CLOCK: variants seen among roughly 807,000 people sequenced by gnomAD.
CLOCK encodes clock circadian regulator, also known as circadian locomoter output cycles protein kaput.
A neutral mutation model predicts 118.4 loss-of-function variants in CLOCK; 43 were observed. The ratio of observed to expected loss-of-function variants is 0.36; its 90% CI spans 0.28 to 0.47. The LOEUF is 0.47. Among genes scored for constraint, CLOCK ranks in the 20% least tolerant of loss-of-function variants. The pLI is 1.00. For missense variants in CLOCK, 846 were observed against 999.9 expected (o/e 0.85, Z 2.08); for synonymous variants, 326 against 339.2 (o/e 0.96, Z 0.43).
intron 1 of CLOCK, among the ~76,000 whole-genome samples, chr4:55,542,680 G>A (rs1731359461): frequency 6.6e-6 from 1 of 152,028 alleles, no homozygotes; most frequent in Admixed American, 6.6e-5. Context: ...CCAAACCAAA[G>A]AGCCTCTTCT....
intron 9 of CLOCK, among the ~76,000 whole-genome samples, chr4:55,462,851 AGT>A (rs61436394): frequency 1.4e-4 from 21 of 151,420 alleles, no homozygotes; most frequent in African/African-American, 4.1e-4. Context: ...GATTTGTGTG[AGT>A]GTGTGTGTGT....
intron 1 of CLOCK, among the ~76,000 whole-genome samples, chr4:55,519,740 G>GC (rs1231207453): frequency 6.6e-6 from 1 of 152,046 alleles, no homozygotes; most frequent in East Asian, 1.9e-4. Flanking sequence ...ATTGGCCACT[G>GC]CACTTCAGCC....
intron 18 of CLOCK, among the ~76,000 whole-genome samples, chr4:55,445,622 A>C: frequency 1.4e-5 from 1 of 70,834 alleles, no homozygotes; most frequent in Admixed American, 2.4e-4. Context: ...ACAGGATCTC[A>C]CTCTGTCACC....
intron 1 of CLOCK, among the ~76,000 whole-genome samples, chr4:55,521,250 A>C (rs2110061852): frequency 6.6e-6 from 1 of 151,774 alleles, no homozygotes; most frequent in Non-Finnish European, 1.5e-5. Flanking sequence ...ATGGAGTTTC[A>C]CTCTTGTTGC....
At chr4:55,529,299 T>C (rs916500617) in intron 1 of CLOCK, among the ~76,000 whole-genome samples, 8 of 152,258 alleles carry the variant, frequency 5.3e-5, no homozygotes, top group South Asian at 2.1e-4. Flanking sequence ...GCTAGGACTA[T>C]AGACATGCAT....
chr4:55,458,403 T>G (rs1240138200), intron 11 of CLOCK, among the ~76,000 whole-genome samples: 1 of 152,100 alleles, frequency 6.6e-6, no homozygotes, highest in Non-Finnish European at 1.5e-5. Flanking sequence ...CTCTTTCCAG[T>G]CAGTTTCTAG....
intron 2 of CLOCK, among the ~76,000 whole-genome samples, chr4:55,495,503 C>G (rs1728006686): frequency 6.6e-6 from 1 of 151,872 alleles, no homozygotes; most frequent in Non-Finnish European, 1.5e-5. Context: ...CTGAATTATT[C>G]TCTCCCTCCC....
chr4:55,524,888 T>C (rs1346401141), intron 1 of CLOCK, among the ~76,000 whole-genome samples: 4 of 152,006 alleles, frequency 2.6e-5, no homozygotes, highest in East Asian at 1.9e-4. Context: ...TCCAGACTTA[T>C]AACTTCCAGA....
chr4:55,447,065 A>C (rs921922946), intron 18 of CLOCK, among the ~76,000 whole-genome samples: 3 of 150,718 alleles, frequency 2.0e-5, no homozygotes, highest in African/African-American at 7.3e-5. Flanking sequence ...TTTAAATATT[A>C]GTCAAAATGT....
At chr4:55,507,348 C>A (rs888391805) in intron 2 of CLOCK, among the ~76,000 whole-genome samples, 1 of 151,984 alleles carries the variant, frequency 6.6e-6, no homozygotes, top group Non-Finnish European at 1.5e-5. Flanking sequence ...CATGGTGGCT[C>A]ACACCTGTAA....
chr4:55,451,079 C>G (rs1025363138), intron 15 of CLOCK, among the ~76,000 whole-genome samples: 3 of 151,950 alleles, frequency 2.0e-5, no homozygotes, highest in East Asian at 3.9e-4. Flanking sequence ...AGCCCACTTT[C>G]CCTTCCTACC....
chr4:55,536,865 T>A (rs910300417), intron 1 of CLOCK, among the ~76,000 whole-genome samples: 2 of 152,108 alleles, frequency 1.3e-5, no homozygotes, highest in Middle Eastern at 6.3e-3. Flanking sequence ...TAAAAAATTA[T>A]GAGACATAAA....
intron 2 of CLOCK, among the ~76,000 whole-genome samples, chr4:55,493,386 C>T (rs984016485): frequency 3.3e-5 from 5 of 152,116 alleles, no homozygotes; most frequent in African/African-American, 2.4e-5. Context: ...ACAGGTATTT[C>T]GGGAACTGAC....
At chr4:55,484,858 T>C (rs1560450180) in intron 3 of CLOCK, among the ~76,000 whole-genome samples, 4 of 152,210 alleles carry the variant, frequency 2.6e-5, no homozygotes. Flanking sequence ...CAATATAGTT[T>C]AGAAGATGCA....
At chr4:55,449,224 A>G (rs1724213640) in intron 17 of CLOCK, among the ~76,000 whole-genome samples, 172 bp downstream of exon 17, 1 of 152,196 alleles carries the variant, frequency 6.6e-6, no homozygotes, top group Admixed American at 6.5e-5. Flanking sequence ...GGACCAATAC[A>G]TATGACAACC....
chr4:55,543,402 G>T (rs937498530), intron 1 of CLOCK, among the ~76,000 whole-genome samples: 5 of 152,170 alleles, frequency 3.3e-5, no homozygotes, highest in African/African-American at 1.2e-4. Flanking sequence ...CAAAGCAGAT[G>T]ATCATTCAAG....
chr4:55,499,807 T>C (rs2109984417), intron 2 of CLOCK, among the ~76,000 whole-genome samples: 1 of 152,354 alleles, frequency 6.6e-6, no homozygotes, highest in South Asian at 2.1e-4. Context: ...TCTTTCGCTC[T>C]GTTCCATGTA....
intron 21 of CLOCK, among the ~76,000 whole-genome samples, chr4:55,440,530 A>T (rs1219995111): frequency 6.6e-6 from 1 of 152,238 alleles, no homozygotes; most frequent in Admixed American, 6.5e-5. Flanking sequence ...TACACTTAGT[A>T]CAGATCTTGA....
intron 17 of CLOCK, among the ~76,000 whole-genome samples, 198 bp downstream of exon 17, chr4:55,449,198 T>C (rs1235152504): frequency 6.6e-6 from 1 of 152,040 alleles, no homozygotes; most frequent in Admixed American, 6.6e-5. Flanking sequence ...ACATTTTACT[T>C]GAAAAATAAT....
Sources: gnomAD v4.1 joint callset for allele counts (sites outside exome capture counted in the v4.1 genomes callset) on GRCh38, gnomAD v4.1.1 for gene constraint, MANE v1.5 for transcripts, NCBI Gene and HGNC (gene_info 2026-07-23, HGNC 2026-07-21) for gene names.